The following CAPN1 variants were observed in gnomAD, a reference collection of about 807,000 sequenced individuals.
The protein encoded by CAPN1 is calpain 1, also known as calpain-1 catalytic subunit.
In CAPN1, 77 loss-of-function variants were observed where a neutral mutation model predicts 105.2. The ratio of observed to expected loss-of-function variants is 0.73; its 90% confidence interval spans 0.61 to 0.88. The LOEUF (loss-of-function observed/expected upper bound fraction) is 0.88. CAPN1 is among the 40% of genes least tolerant of loss of function. The probability of loss-of-function intolerance (pLI) is 0.00; values close to 1 mark genes in which losing one functional copy is unlikely to be tolerated. For synonymous variants in CAPN1, 355 were observed against 388.8 expected (o/e 0.91, Z 1.02); for missense variants, 833 against 976.6 (o/e 0.85, Z 1.96).
At chr11:65,185,189 C>A (rs1948614332) in intron 4 of CAPN1, among the ~76,000 whole-genome samples, 1 of 151,812 alleles carries the variant, frequency 6.6e-6, no homozygotes, top group Admixed American at 6.6e-5. Flanking sequence ...GAGTGTTCAC[C>A]CCAGCCCCAC....
At chr11:65,184,196 T>C (rs1250629375) in intron 4 of CAPN1, among the ~76,000 whole-genome samples, 1 of 152,122 alleles carries the variant, frequency 6.6e-6, no homozygotes, top group Non-Finnish European at 1.5e-5. Flanking sequence ...CGAAGGACTC[T>C]TGGGTGTTCC....
rs376645029 is a variant in CAPN1 at position 65,206,476 on chromosome 11, C to T, written c.1367C>T (p.Pro456Leu). 8.6e-5 allele frequency: 138 copies of T among 1,612,932 alleles called. No individual in the cohort carries two copies. Among genetic ancestry groups the T allele is most frequent in the Non-Finnish European group, 1.1e-4 (126 of 1,179,810 alleles). ...CCCTCCCACCAGCTGGTGGGCCAGC[C>T]GGCCGTACACTTGAAGCGTGACTTC... ...YEVPPELVGQ[P>L]AVHLKRDFFL... The change falls in exon 13 of 22, where the codon CCG (proline) becomes CTG (leucine). Residue 456 changes from proline to leucine, a missense_variant. Coordinates refer to ENST00000279247, the MANE Select transcript of CAPN1 (RefSeq NM_005186.4).
At chr11:65,183,427 C>A (rs575853678) in intron 3 of CAPN1, 47 bp from the exon 4 acceptor site, 12 of 1,436,238 alleles carry the variant, frequency 8.4e-6, no homozygotes, top group Non-Finnish European at 1.2e-5. Context: ...CTTCCCCCCC[C>A]GGGGCAGGTT....
At position 65,206,527 on chromosome 11, in the gene CAPN1, G is replaced by A. The variant is rs201136905; in HGVS notation, c.1418G>A (p.Arg473His). ...TTCCTGGCCAATGCGTCTCGGGCGC[G>A]CTCAGAGCAGTTCATCAACCTGCGA... is the stretch of plus-strand genomic sequence containing the variant. ...DFFLANASRA[R>H]SEQFINLREV... Residue 473 changes from arginine (R) to histidine (H), a missense_variant, in exon 13 of 22, where the codon CGC (arginine) becomes CAC (histidine). Physicochemically the swap from Arg to His is conservative, Grantham distance 29. Transcript: ENST00000279247. 3.1e-5 allele frequency: 50 copies of A among 1,613,260 alleles called. 1 individual carries two copies. The South Asian group carries it at 3.8e-4, about 12-fold the overall frequency.
In CAPN1 at chr11:65,211,668, C is replaced by A. The variant is rs1949051720; in HGVS notation, c.*382C>A. On this transcript the variant is annotated 3_prime_UTR_variant, in exon 22 of 22. Coordinates refer to ENST00000279247, the MANE Select transcript of CAPN1 (RefSeq NM_005186.4). The stretch of plus-strand genomic sequence containing the variant: ...CCTGGCCTTGCCTGCAGACTATAAA[C>A]TATAACCACTAGCTCGACACAGTCT... The A allele has an allele frequency of 3.3e-6, 1 of 303,570 alleles. No individual in the cohort carries two copies. The highest frequency in any genetic ancestry group is 4.1e-5 in the Admixed American group (1 of 24,554). 18.8% of individuals were successfully genotyped at this position (303,570 alleles called of 1,614,324 possible). A position where few individuals can be genotyped will look rare whatever the true frequency, so the allele number is the denominator to read the frequency against.
Position 65,210,247 on chromosome 11 carries a change from C to A in CAPN1, c.1943-89C>A. ...CACGGTTACTAGCACCCTGCCTAGC[C>A]CCAGCCCCCTCCTGGGGACCCAACC... On this transcript the variant is annotated intron_variant, in intron 19 of 21. Coordinates refer to ENST00000279247, the MANE Select transcript of CAPN1 (RefSeq NM_005186.4). This position sits in a 1 kb window ranked among gnomAD's most constrained non-coding sequence, Gnocchi z 4.3. The A allele has an allele frequency of 8.5e-7, 1 of 1,169,884 alleles. No individual in the cohort carries two copies. Among genetic ancestry groups the A allele is most frequent in the Non-Finnish European group, 1.3e-6 (1 of 793,886 alleles). 72.5% of individuals were successfully genotyped at this position (1,169,884 alleles called of 1,614,324 possible).
rs1949019035 is a variant in CAPN1, at chr11:65,209,925, G to C, written c.1863+8G>C. The C allele has an allele frequency of 6.2e-7, 1 of 1,613,494 alleles. No individual in the cohort carries two copies. Among genetic ancestry groups the C allele is most frequent in the South Asian group, 1.1e-5 (1 of 91,092 alleles). On this transcript the variant is annotated splice_region_variant and intron_variant, in intron 18 of 21. Transcript: ENST00000279247. The surrounding 1 kb of genome is among the most constrained non-coding windows in gnomAD (Gnocchi z 4.1). ...CGCATCCGGAATTACCTGGTAGGTT[G>C]TCCCCACTCACCTCAGTCATGCAGG... is the stretch of plus-strand genomic sequence containing the variant.
Position 65,183,111 on chromosome 11 carries a change from C to A in CAPN1, c.268-17C>A. 6.2e-7 allele frequency: 1 copy of A among 1,613,672 alleles called. No homozygotes were observed. Among genetic ancestry groups the A allele is most frequent in the Non-Finnish European group, 8.5e-7 (1 of 1,179,636 alleles). ...GGGAGGGGCTGGCCGAGGAACAGGA[C>A]TCTGGGTCTCTCGTAGGAACTGCTG... On this transcript the variant is annotated splice_polypyrimidine_tract_variant and intron_variant, in intron 2 of 21. Transcript: ENST00000279247.
Position 65,205,926 on chromosome 11 carries a change from G to A in CAPN1, c.1353+205G>A, listed in dbSNP as rs192922091. On this transcript the variant is annotated intron_variant, in intron 12 of 21. Transcript: ENST00000279247. ...AGCACAGGTAGTCAGTGAGGGAGCT[G>A]GATTTGAGCCCTGGTCCTCAGAGCC... is the stretch of plus-strand genomic sequence containing the variant. The A allele has an allele frequency of 3.1e-4, 185 of 590,126 alleles. 1 individual carries two copies. The African/African-American group carries it at 3.2e-3, about 10-fold the overall frequency. The allele number at this position is 590,126 out of a possible 1,614,324, so 36.6% of individuals were successfully genotyped here. A position where few individuals can be genotyped will look rare whatever the true frequency, so the allele number is the denominator to read the frequency against.
Position 65,204,995 on chromosome 11 carries a change from C to T in CAPN1, c.1341+137C>T, listed in dbSNP as rs574886924. 306 of 706,508 alleles carry T rather than the reference C, an allele frequency of 4.3e-4. 2 individuals carry two copies. The highest frequency in any genetic ancestry group is 6.4e-4 in the Admixed American group (22 of 34,560). The allele number at this position is 706,508 out of a possible 1,614,324, so 43.8% of individuals were successfully genotyped here. A position where few individuals can be genotyped will look rare whatever the true frequency, so the allele number is the denominator to read the frequency against. ...CCCACAAATTCCCCTCCACTCCCCC[C>T]ACCATCCTGAGGGCTGGGAAATCTC... On this transcript the variant is annotated intron_variant, in intron 11 of 21. Coordinates refer to ENST00000279247, the MANE Select transcript of CAPN1 (RefSeq NM_005186.4).
chr11:65,188,035 C>T lies in CAPN1; in HGVS notation c.924C>T (p.Ser308=), dbSNP rs942096405. Residue 308 remains serine, a synonymous_variant, in exon 8 of 22, where the codon AGC becomes AGT. Coordinates refer to ENST00000279247, the MANE Select transcript of CAPN1 (RefSeq NM_005186.4). This position sits in a 1 kb window ranked among gnomAD's most constrained non-coding sequence, Gnocchi z 5.5. The stretch of plus-strand genomic sequence containing the variant: ...AGGTGGAGTGGACGGGAGCCTGGAG[C>T]GACAGGTGAGGGGCAGTGGGCACTG... The part of the protein sequence containing the change: ...WGEVEWTGAW[S]DSSSEWNNVD... The T allele has an allele frequency of 1.5e-5, 24 of 1,557,244 alleles. No homozygotes were observed. The Admixed American group carries it at 2.7e-4, about 18-fold the overall frequency.
chr11:65,204,862 A>T lies in CAPN1; in HGVS notation c.1341+4A>T, dbSNP rs1049888394. 3 of 1,599,764 alleles carry T rather than the reference A, an allele frequency of 1.9e-6. No individual in the cohort carries two copies. The highest frequency in any genetic ancestry group is 2.6e-6 in the Non-Finnish European group (3 of 1,169,822). ...TATTGGCTTCGCGGTCTACGAGGTC[A>T]GGAGGGTGGATCACCGGTGGATCTC... On this transcript the variant is annotated splice_donor_region_variant and intron_variant, in intron 11 of 21. Coordinates refer to ENST00000279247, the MANE Select transcript of CAPN1 (RefSeq NM_005186.4).
intron 10 of CAPN1, among the ~76,000 whole-genome samples, chr11:65,190,470 G>A (rs1247174041): frequency 1.3e-5 from 2 of 152,192 alleles, no homozygotes; most frequent in East Asian, 1.9e-4. Flanking sequence ...GATAACCACC[G>A]TTCCCTGTAC....
chr11:65,195,090 GT>G (rs1254348762), intron 10 of CAPN1, among the ~76,000 whole-genome samples: 4 of 132,972 alleles, frequency 3.0e-5, no homozygotes, highest in African/African-American at 1.1e-4. Flanking sequence ...TATCACTGAA[GT>G]TTTTTGGGGT....
rs756526212 is a variant in CAPN1 at position 65,204,709 on chromosome 11, A to G, written c.1192A>G (p.Lys398Glu). 2 of 1,612,650 alleles carry G rather than the reference A, an allele frequency of 1.2e-6. No individual in the cohort carries two copies. Among genetic ancestry groups the G allele is most frequent in the African/African-American group, 1.3e-5 (1 of 74,944 alleles). ...PATFWVNPQFKIRLDETDDPD... is the reference protein window; with the variant it reads ...PATFWVNPQFEIRLDETDDPD... The stretch of plus-strand genomic sequence containing the variant: ...CACCTTCTGGGTGAACCCTCAGTTC[A>G]AGATCCGGCTGGATGAGACGGATGA... Residue 398 changes from lysine (K) to glutamate (E), a missense_variant, in exon 11 of 22, where the codon AAG (lysine) becomes GAG (glutamate). Physicochemically the swap from Lys to Glu is moderately conservative, Grantham distance 56 (BLOSUM62 1). Coordinates refer to ENST00000279247, the MANE Select transcript of CAPN1 (RefSeq NM_005186.4).
chr11:65,184,528 C>T (rs1441456598), intron 4 of CAPN1, among the ~76,000 whole-genome samples: 1 of 143,348 alleles, frequency 7.0e-6, no homozygotes, highest in Non-Finnish European at 1.5e-5. Flanking sequence ...TACCTCGAGT[C>T]CTTGGTCGCT....
Position 65,186,059 on chromosome 11 carries a change from C to T in CAPN1, c.590+9C>T, listed in dbSNP as rs752439395. 17 of 1,610,516 alleles carry T rather than the reference C, an allele frequency of 1.1e-5. No homozygotes were observed. Among genetic ancestry groups the T allele is most frequent in the South Asian group, 4.4e-5 (4 of 90,544 alleles). ...GAGAAGGCCTATGCCAAGTGAGTAG[C>T]GGCTGAGGGGGCAACTCCAGCTTCC... On this transcript the variant is annotated intron_variant, in intron 5 of 21. Transcript: ENST00000279247.
chr11:65,202,959 A>G (rs1212003619), intron 10 of CAPN1, among the ~76,000 whole-genome samples: 1 of 152,074 alleles, frequency 6.6e-6, no homozygotes, highest in East Asian at 1.9e-4. Context: ...CTACTGGGAT[A>G]TTTCATGTGA....
chr11:65,211,247 T>G lies in CAPN1; in HGVS notation c.2119-13T>G. The G allele has an allele frequency of 2.5e-6, 4 of 1,612,696 alleles. No homozygotes were observed. Among genetic ancestry groups the G allele is most frequent in the Non-Finnish European group, 3.4e-6 (4 of 1,179,762 alleles). On this transcript the variant is annotated splice_polypyrimidine_tract_variant and intron_variant, in intron 21 of 21. Coordinates refer to ENST00000279247, the MANE Select transcript of CAPN1 (RefSeq NM_005186.4). The stretch of plus-strand genomic sequence containing the variant: ...TTTCTGCGGCCCCAGCTGACCTGCC[T>G]GTTCTCCCGCAGTGGTTGCAGCTGA...
Sources: gnomAD v4.1 joint callset for allele counts (sites outside exome capture counted in the v4.1 genomes callset) on GRCh38, gnomAD v4.1.1 for gene constraint, Gnocchi (gnomAD v3.1) non-coding constraint, MANE v1.5 for transcripts, NCBI Gene and HGNC (gene_info 2026-07-23, HGNC 2026-07-21) for gene names.